CC2D2B: variants seen among roughly 807,000 people sequenced by gnomAD.
The protein encoded by CC2D2B is protein CC2D2B.
Under a neutral mutation model 161.2 loss-of-function variants are expected in CC2D2B, and 128 were observed. That is an observed-to-expected ratio of 0.79 (90% CI 0.69 to 0.92). The LOEUF (loss-of-function observed/expected upper bound fraction) is 0.92, where lower values mean the gene tolerates loss of function less well. CC2D2B is among the 40% of genes least tolerant of loss of function. The pLI is 0.00. For missense variants in CC2D2B, 1,173 were observed against 1,375.1 expected (o/e 0.85, Z 2.32); for synonymous variants, 391 against 449.8 (o/e 0.87, Z 1.65).
intron 26 of CC2D2B, among the ~76,000 whole-genome samples, chr10:96,010,891 A>C (rs1251276863): frequency 6.6e-6 from 1 of 152,184 alleles, no homozygotes. Context: ...ATTTCCAAGG[A>C]GATAACAGTG....
intron 9 of CC2D2B, among the ~76,000 whole-genome samples, chr10:95,946,194 GACACCTC>G (rs2076192868): frequency 6.6e-6 from 1 of 152,148 alleles, no homozygotes; most frequent in Non-Finnish European, 1.5e-5. Flanking sequence ...TCATCTATGT[GACACCTC>G]CTCAAATGTT....
chr10:96,026,049 T>C (rs1426836674), intron 33 of CC2D2B, among the ~76,000 whole-genome samples: 1 of 152,206 alleles, frequency 6.6e-6, no homozygotes, highest in East Asian at 1.9e-4. Flanking sequence ...TGAGCATCCC[T>C]GGATCAATAT....
rs887497274 is a variant in CC2D2B, at chr10:95,974,003, A to G, written c.1796-6A>G. The stretch of plus-strand genomic sequence containing the variant: ...TTCATATGTTTTTAATGCCTTTTAT[A>G]AACAGATGTGCCTTTTCTTCTTGAG... On this transcript the variant is annotated splice_polypyrimidine_tract_variant and splice_region_variant and intron_variant, in intron 16 of 34. Coordinates refer to ENST00000646931, the MANE Select transcript of CC2D2B (RefSeq NM_001349008.3). 8.1e-7 allele frequency: 1 copy of G among 1,230,606 alleles called. No homozygotes were observed. The highest frequency in any genetic ancestry group is 1.0e-6 in the Non-Finnish European group (1 of 986,712). 76.2% of individuals were successfully genotyped at this position (1,230,606 alleles called of 1,614,324 possible).
At position 95,918,067 on chromosome 10, in the gene CC2D2B, G is replaced by A. The variant is rs1037295873; in HGVS notation, c.37-3949G>A. 3.3e-5 allele frequency among the ~76,000 whole-genome samples: 5 copies of A among 152,238 alleles called. No individual in the cohort carries two copies. The East Asian group carries it at 7.7e-4, about 23-fold the overall frequency. On this transcript the variant is annotated intron_variant, in intron 2 of 34. Coordinates refer to ENST00000646931, the MANE Select transcript of CC2D2B (RefSeq NM_001349008.3). ...GCTGGGATTACAGGTATGAGCCACC[G>A]TGCCCAGCCTAAAAGTTGTTGTAGT... is the stretch of plus-strand genomic sequence containing the variant.
intron 6 of CC2D2B, among the ~76,000 whole-genome samples, chr10:95,937,018 C>T (rs1376796614): frequency 6.6e-6 from 1 of 152,138 alleles, no homozygotes; most frequent in African/African-American, 2.4e-5. Context: ...TATTTAAATT[C>T]TGAAAAGGAT....
intron 19 of CC2D2B, among the ~76,000 whole-genome samples, chr10:95,984,249 A>G (rs1433721724): frequency 6.6e-6 from 1 of 152,232 alleles, no homozygotes; most frequent in African/African-American, 2.4e-5. Flanking sequence ...GGTTCTCACT[A>G]GCTGGTGCCA....
Position 95,965,972 on chromosome 10 carries a change from G to T in CC2D2B, c.1327G>T (p.Glu443Ter). 8.2e-7 allele frequency: 1 copy of T among 1,212,352 alleles called. No homozygotes were observed. The highest frequency in any genetic ancestry group is 1.0e-6 in the Non-Finnish European group (1 of 970,358). The allele number at this position is 1,212,352 out of a possible 1,614,324, so 75.1% of individuals were successfully genotyped here. Residue 443 changes from glutamate (E) to a stop codon, truncating the protein, a stop_gained, in exon 13 of 35, where the codon GAA (glutamate) becomes TAA (stop). Coordinates refer to ENST00000646931, the MANE Select transcript of CC2D2B (RefSeq NM_001349008.3). LOFTEE classifies it high-confidence loss of function. ...AACTGAGAAGAAAAATGAAGGAAAAGAACTTAAGAATGGGAAAAAACTGGA... is the reference window on the plus strand; with the variant it reads ...AACTGAGAAGAAAAATGAAGGAAAATAACTTAAGAATGGGAAAAAACTGGA... ...SETEKKNEGK[E>*]LKNGKKLESL...
intron 16 of CC2D2B, 79 bp from the exon 17 acceptor site, chr10:95,973,929 TA>T: frequency 1.4e-6 from 1 of 729,824 alleles, no homozygotes; most frequent in Non-Finnish European, 1.9e-6. Flanking sequence ...GTTCCACAAG[TA>T]AAACTCAGGA....
chr10:95,999,506 A>G (rs745577771), intron 24 of CC2D2B, among the ~76,000 whole-genome samples: 4 of 150,088 alleles, frequency 2.7e-5, no homozygotes, highest in African/African-American at 4.9e-5. Flanking sequence ...ATTTAGAGGG[A>G]CTATCTTCAA....
chr10:95,981,237 C>T (rs1368230573), intron 17 of CC2D2B, among the ~76,000 whole-genome samples: 2 of 151,954 alleles, frequency 1.3e-5, no homozygotes, highest in Admixed American at 1.3e-4. Context: ...ACTAAAAATA[C>T]ACAAGTTAGC....
intron 6 of CC2D2B, among the ~76,000 whole-genome samples, chr10:95,937,754 T>G (rs1157521901): frequency 6.6e-6 from 1 of 152,164 alleles, no homozygotes; most frequent in Admixed American, 6.6e-5. Context: ...TCAGCAGTCT[T>G]TCAGTGAAGA....
intron 24 of CC2D2B, among the ~76,000 whole-genome samples, chr10:95,997,069 T>C (rs896130285): frequency 3.3e-5 from 5 of 152,232 alleles, no homozygotes; most frequent in African/African-American, 1.2e-4. Flanking sequence ...ATTTTGAACT[T>C]TGCAGCCTCC....
At chr10:95,991,171 T>G (rs2077941869) in intron 20 of CC2D2B, among the ~76,000 whole-genome samples, 199 bp from the exon 21 acceptor site, 1 of 152,184 alleles carries the variant, frequency 6.6e-6, no homozygotes, top group African/African-American at 2.4e-5. Context: ...ATAAACTAGC[T>G]TTGGTGTGAC....
chr10:96,027,290 T>C lies in CC2D2B; in HGVS notation c.4026T>C (p.Phe1342=). Residue 1342 remains phenylalanine (F), a synonymous_variant, in exon 34 of 35, where the codon TTT becomes TTC. Coordinates refer to ENST00000646931, the MANE Select transcript of CC2D2B (RefSeq NM_001349008.3). ...CACATTGGAATCGACAGTGTACTTT[T>C]ATTTTGCGACAAATCCTTCCTAAGC... ...HPTHWNRQCT[F]ILRQILPKLE... 6.4e-7 allele frequency: 1 copy of C among 1,551,460 alleles called. No homozygotes were observed. Among genetic ancestry groups the C allele is most frequent in the Non-Finnish European group, 8.7e-7 (1 of 1,146,840 alleles).
chr10:95,923,763 C>G (rs1005962208), intron 3 of CC2D2B, among the ~76,000 whole-genome samples: 7 of 152,004 alleles, frequency 4.6e-5, no homozygotes, highest in African/African-American at 1.2e-4. Context: ...GCCTGTAATC[C>G]CAGGACTTTG....
intron 6 of CC2D2B, among the ~76,000 whole-genome samples, chr10:95,937,611 G>A (rs797006072): frequency 2.6e-5 from 4 of 151,252 alleles, no homozygotes; most frequent in African/African-American, 9.7e-5. Flanking sequence ...TTTTCTGAAT[G>A]ATGGGGAAAA....
At chr10:95,951,611 C>T (rs1409971645) in intron 10 of CC2D2B, among the ~76,000 whole-genome samples, 1 of 152,116 alleles carries the variant, frequency 6.6e-6, no homozygotes, top group Non-Finnish European at 1.5e-5. Flanking sequence ...GGAAACAACT[C>T]AGATTAAAAT....
Position 95,961,812 on chromosome 10 carries a change from T to G in CC2D2B, c.1110-17T>G. The G allele has an allele frequency of 8.1e-7, 1 of 1,230,844 alleles. No individual in the cohort carries two copies. The highest frequency in any genetic ancestry group is 1.0e-6 in the Non-Finnish European group (1 of 986,966). The allele number at this position is 1,230,844 out of a possible 1,614,324, so 76.2% of individuals were successfully genotyped here. Reference sequence around the variant, plus strand: ...CTAATCCACTGACAAATTTTTGCTCTGCCATTTTTGTTGTAGTAATACAAA... The same window carrying G: ...CTAATCCACTGACAAATTTTTGCTCGGCCATTTTTGTTGTAGTAATACAAA... On this transcript the variant is annotated splice_polypyrimidine_tract_variant and intron_variant, in intron 11 of 34. Transcript: ENST00000646931.
intron 30 of CC2D2B, among the ~76,000 whole-genome samples, chr10:96,016,710 AT>A (rs2079214633): frequency 6.6e-6 from 1 of 151,976 alleles, no homozygotes; most frequent in African/African-American, 2.4e-5. Flanking sequence ...TGATCATCAT[AT>A]GGTTTTTGTT....
Sources: allele counts gnomAD v4.1 joint callset (sites outside exome capture counted in the v4.1 genomes callset), GRCh38; gene constraint gnomAD v4.1.1; transcripts MANE v1.5; gene names NCBI Gene and HGNC (gene_info 2026-07-23, HGNC 2026-07-21).